TWSG1: variants seen among roughly 807,000 people sequenced by gnomAD.
The protein encoded by TWSG1 is twisted gastrulation protein homolog 1.
Under a neutral mutation model 23.0 loss-of-function variants are expected in TWSG1, and 15 were observed. The ratio of observed to expected loss-of-function variants is 0.65; its 90% CI spans 0.44 to 1.00. The LOEUF (loss-of-function observed/expected upper bound fraction) is 1.00, where lower values mean the gene tolerates loss of function less well. Among genes scored for constraint, TWSG1 ranks in the 50% least tolerant of loss-of-function variants. TWSG1 has a pLI of 0.00. For missense variants in TWSG1, 242 were observed against 278.7 expected (o/e 0.87, Z 0.94); for synonymous variants, 86 against 92.8 (o/e 0.93, Z 0.42).
At chr18:9,341,646 T>C (rs1408497318) in intron 2 of TWSG1, among the ~76,000 whole-genome samples, 2 of 152,186 alleles carry the variant, frequency 1.3e-5, no homozygotes, top group Non-Finnish European at 2.9e-5. Flanking sequence ...CCTGCCACAC[T>C]TGTATCACAG....
Position 9,348,113 on chromosome 18 carries a change from G to A in TWSG1, c.123+10761G>A, listed in dbSNP as rs191461021. Among the ~76,000 whole-genome samples the A allele has an allele frequency of 3.3e-5, 5 of 152,334 alleles. No homozygotes were observed. In the East Asian group the frequency reaches 9.6e-4, roughly 29 times the overall value. On this transcript the variant is annotated intron_variant, in intron 2 of 4. Coordinates refer to ENST00000262120, the MANE Select transcript of TWSG1 (RefSeq NM_020648.6). ...GGACTTACAGCAGAGAACACTTGGG[G>A]ATAAGGAAGGCCTTGATGCTGGAAT...
At chr18:9,395,601 G>T (rs1395674862) in intron 3 of TWSG1, among the ~76,000 whole-genome samples, 2 of 152,050 alleles carry the variant, frequency 1.3e-5, no homozygotes, top group Admixed American at 6.5e-5. Flanking sequence ...GATTGACATG[G>T]GGTTGCCCAG....
At chr18:9,396,129 T>C (rs2040733772) in intron 3 of TWSG1, 151 bp from the exon 4 acceptor site, 2 of 659,304 alleles carry the variant, frequency 3.0e-6, no homozygotes, top group South Asian at 4.2e-5. Context: ...AAGAATATCA[T>C]CATTTAGGCT....
intron 4 of TWSG1, among the ~76,000 whole-genome samples, chr18:9,397,664 A>C (rs1389303718): frequency 1.3e-5 from 2 of 152,158 alleles, no homozygotes; most frequent in African/African-American, 4.8e-5. Flanking sequence ...TATAATTTGT[A>C]CTCTTACTTG....
In TWSG1 at chr18:9,386,810, A is replaced by G. The variant is rs535544007; in HGVS notation, c.224-9470A>G. Reference sequence around the variant, plus strand: ...AGAATAATAGAGTTTGTATACAAGAAGTTAAAAATCACACTGCCATCAGAC... The same window carrying G: ...AGAATAATAGAGTTTGTATACAAGAGGTTAAAAATCACACTGCCATCAGAC... On this transcript the variant is annotated intron_variant, in intron 3 of 4. Coordinates refer to ENST00000262120, the MANE Select transcript of TWSG1 (RefSeq NM_020648.6). Among the ~76,000 whole-genome samples, 3 of 152,358 alleles carry G rather than the reference A, an allele frequency of 2.0e-5. No homozygotes were observed. The South Asian group carries it at 6.2e-4, about 32-fold the overall frequency.
At chr18:9,368,104 C>G (rs1017068814) in intron 3 of TWSG1, among the ~76,000 whole-genome samples, 1 of 152,202 alleles carries the variant, frequency 6.6e-6, no homozygotes, top group African/African-American at 2.4e-5. Flanking sequence ...ATTCCCTTTT[C>G]TCCATGCCCT....
At chr18:9,358,140 A>G (rs1248610781) in intron 2 of TWSG1, among the ~76,000 whole-genome samples, 1 of 152,144 alleles carries the variant, frequency 6.6e-6, no homozygotes, top group Non-Finnish European at 1.5e-5. Flanking sequence ...GACTAGAGCC[A>G]AGAACTAGAG....
chr18:9,336,907 A>G (rs2040425712), intron 1 of TWSG1, among the ~76,000 whole-genome samples: 1 of 152,134 alleles, frequency 6.6e-6, no homozygotes, highest in Non-Finnish European at 1.5e-5. Flanking sequence ...TCTTTAAATG[A>G]TCACTCAAAA....
intron 2 of TWSG1, among the ~76,000 whole-genome samples, chr18:9,347,127 G>A (rs949416681): frequency 6.6e-6 from 1 of 152,114 alleles, no homozygotes; most frequent in Non-Finnish European, 1.5e-5. Flanking sequence ...ACCTTTTTGG[G>A]TGAGGTGTCT....
chr18:9,361,088 T>C (rs1025193942), intron 3 of TWSG1, among the ~76,000 whole-genome samples: 36 of 152,226 alleles, frequency 2.4e-4, no homozygotes, highest in African/African-American at 8.2e-4. Flanking sequence ...TGCATAATAA[T>C]GTAAGCACTA....
chr18:9,349,539 A>G (rs2040492028), intron 2 of TWSG1, among the ~76,000 whole-genome samples: 1 of 152,218 alleles, frequency 6.6e-6, no homozygotes, highest in Admixed American at 6.5e-5. Flanking sequence ...TTGGAATTTT[A>G]AAATAGTTTA....
intron 3 of TWSG1, among the ~76,000 whole-genome samples, chr18:9,368,079 C>T (rs983844845): frequency 2.0e-5 from 3 of 152,158 alleles, no homozygotes; most frequent in African/African-American, 7.2e-5. Flanking sequence ...ACATTCCCAC[C>T]AACAGCATGC....
At chr18:9,396,112 G>A (rs960165390) in intron 3 of TWSG1, among the ~76,000 whole-genome samples, 168 bp from the exon 4 acceptor site, 4 of 145,218 alleles carry the variant, frequency 2.8e-5, no homozygotes, top group Non-Finnish European at 6.0e-5. Context: ...TGAAGCTACT[G>A]GGGTAGAAGA....
intron 2 of TWSG1, among the ~76,000 whole-genome samples, chr18:9,341,602 T>TCATAAA (rs1251291942): frequency 6.6e-6 from 1 of 152,150 alleles, no homozygotes; most frequent in East Asian, 1.9e-4. Flanking sequence ...ACAGATAAGG[T>TCATAAA]CATAGCTCAT....
chr18:9,375,093 G>C (rs762017645), intron 3 of TWSG1, among the ~76,000 whole-genome samples: 2 of 151,388 alleles, frequency 1.3e-5, no homozygotes, highest in Non-Finnish European at 2.9e-5. Flanking sequence ...TGTGAACCCG[G>C]GAGGCAGAGC....
chr18:9,379,388 A>G (rs1045534214), intron 3 of TWSG1, among the ~76,000 whole-genome samples: 2 of 152,172 alleles, frequency 1.3e-5, no homozygotes, highest in Non-Finnish European at 2.9e-5. Flanking sequence ...ACTGGAAGCC[A>G]TTATCATTAC....
In TWSG1 at chr18:9,349,683, G is replaced by A. The variant is rs536119119; in HGVS notation, c.124-10289G>A. Among the ~76,000 whole-genome samples, 3 of 152,180 alleles carry A rather than the reference G, an allele frequency of 2.0e-5. No individual in the cohort carries two copies. In the South Asian group the frequency reaches 6.2e-4, roughly 32 times the overall value. On this transcript the variant is annotated intron_variant, in intron 2 of 4. Coordinates refer to ENST00000262120, the MANE Select transcript of TWSG1 (RefSeq NM_020648.6). ...CTTTTTCTTCTTTTTTTCTTAATCA[G>A]TGCAAATTAGATTCAACTTTAGTCT...
chr18:9,397,447 T>G (rs2040742440), intron 4 of TWSG1, among the ~76,000 whole-genome samples: 1 of 152,228 alleles, frequency 6.6e-6, no homozygotes, highest in South Asian at 2.1e-4. Context: ...AGAAAATAAC[T>G]TATACAAATT....
chr18:9,398,004 CAAA>C (rs573745689), intron 4 of TWSG1, among the ~76,000 whole-genome samples: 3,129 of 84,476 alleles, frequency 0.037, 34 homozygotes, highest in Admixed American at 0.058. Context: ...AACTCCATCT[CAAA>C]AAAAAAAAAA....
Sources: gnomAD v4.1 joint callset for allele counts (sites outside exome capture counted in the v4.1 genomes callset) on GRCh38, gnomAD v4.1.1 for gene constraint, MANE v1.5 for transcripts, NCBI Gene and HGNC (gene_info 2026-07-23, HGNC 2026-07-21) for gene names.